The following LRFN1 variants were observed in gnomAD, a reference collection of about 807,000 sequenced individuals.
The protein encoded by LRFN1 is leucine rich repeat and fibronectin type III domain containing 1.
A neutral mutation model predicts 31.8 loss-of-function variants in LRFN1; 20 were observed. The observed-to-expected ratio is 0.63, with a 90% CI of 0.44 to 0.91. The LOEUF (loss-of-function observed/expected upper bound fraction) is 0.91, where lower values mean the gene tolerates loss of function less well. LRFN1 is among the 40% of genes least tolerant of loss of function. The pLI is 0.00. For synonymous variants in LRFN1, 514 were observed against 541.3 expected, an observed-to-expected ratio of 0.95 and a Z score of 0.70; for missense variants, 912 against 1,129.8, an observed-to-expected ratio of 0.81 and a Z score of 2.76.
rs1312805792 is a variant in LRFN1, at chr19:39,314,040, G to C, written c.1297C>G (p.Leu433Val). 1.2e-6 allele frequency: 2 copies of C among 1,610,976 alleles called. No individual in the cohort carries two copies. Among genetic ancestry groups the C allele is most frequent in the Non-Finnish European group, 1.7e-6 (2 of 1,179,740 alleles). Residue 433 changes from leucine (L) to valine (V), a missense_variant, in exon 4 of 5, where the codon CTC becomes GTC. Physicochemically the swap from Leu to Val is conservative, Grantham distance 32. Coordinates refer to ENST00000248668, the MANE Select transcript of LRFN1 (RefSeq NM_020862.2). ...AAERRLVAAE[L>V]TSNSVLIRWP... Reference sequence around the variant, plus strand: ...CGGATGAGCACGGAGTTCGAGGTGAGCTCGGCTGCCACGAGCCGACGCTCA... The same window carrying C: ...CGGATGAGCACGGAGTTCGAGGTGACCTCGGCTGCCACGAGCCGACGCTCA...
intron 4 of LRFN1, among the ~76,000 whole-genome samples, chr19:39,309,478 CAAAAAAAAAAA>C (rs71169583): frequency 0.14 from 4,352 of 32,060 alleles, 131 homozygotes; most frequent in Non-Finnish European, 0.17. Flanking sequence ...ACAAACAAAC[CAAAAAAAAAAA>C]AAAAAAAAAA....
In LRFN1 at chr19:39,315,748, G is replaced by A. The variant is rs957056062; in HGVS notation, c.-38+334C>T. ...GCACGAGAATCGCTTGAACCAGGGAGGTGGAGGTTGCAGTGAGCCGAGATC... is the reference window on the plus strand; with the variant it reads ...GCACGAGAATCGCTTGAACCAGGGAAGTGGAGGTTGCAGTGAGCCGAGATC... On this transcript the variant is annotated intron_variant, in intron 3 of 4. Coordinates refer to ENST00000248668, the MANE Select transcript of LRFN1 (RefSeq NM_020862.2). This position sits in a 1 kb window ranked among gnomAD's most constrained non-coding sequence, Gnocchi z 4.7. Among the ~76,000 whole-genome samples, 3 of 151,246 alleles carry A rather than the reference G, an allele frequency of 2.0e-5. No individual in the cohort carries two copies. The highest frequency in any genetic ancestry group is 1.3e-4 in the Admixed American group (2 of 15,204).
At chr19:39,313,567 G>T (rs566600344) in intron 4 of LRFN1, among the ~76,000 whole-genome samples, 17 of 152,274 alleles carry the variant, frequency 1.1e-4, no homozygotes, top group African/African-American at 4.1e-4. Context: ...CTGTAAATGT[G>T]TGTGTGTGTT....
rs965123510 is a variant in LRFN1, at chr19:39,315,848, A to T, written c.-38+234T>A. Among the ~76,000 whole-genome samples the T allele has an allele frequency of 2.8e-4, 42 of 152,112 alleles. No homozygotes were observed. The highest frequency in any genetic ancestry group is 2.8e-4 in the Non-Finnish European group (19 of 68,016). Reference sequence around the variant, plus strand: ...CATAAATAAAAATAAAAATATCTCTATACTGGTTGATAGAATACCCCTGTC... The same window carrying T: ...CATAAATAAAAATAAAAATATCTCTTTACTGGTTGATAGAATACCCCTGTC... On this transcript the variant is annotated intron_variant, in intron 3 of 4. Transcript: ENST00000248668. The surrounding 1 kb of genome is among the most constrained non-coding windows in gnomAD (Gnocchi z 4.7).
At position 39,307,884 on chromosome 19, in the gene LRFN1, G is replaced by A; in HGVS notation, c.2065C>T (p.Leu689=). 2 of 1,560,250 alleles carry A rather than the reference G, an allele frequency of 1.3e-6. No individual in the cohort carries two copies. Among genetic ancestry groups the A allele is most frequent in the Non-Finnish European group, 1.7e-6 (2 of 1,159,976 alleles). ...PPTSAPPTLA[L]VPGGAAARPR... is the part of the protein sequence containing the mutation. ...CGGGCCGCGGCTCCCCCAGGAACTA[G>A]AGCTAGAGTAGGGGGCGCCGAGGTT... is the stretch of plus-strand genomic sequence containing the variant. Residue 689 remains leucine, a synonymous_variant, in exon 5 of 5, where the codon CTA becomes TTA. Transcript: ENST00000248668. The surrounding 1 kb of genome is among the most constrained non-coding windows in gnomAD (Gnocchi z 6.7).
Position 39,314,409 on chromosome 19 carries a change from G to A in LRFN1, c.928C>T (p.Leu310=), listed in dbSNP as rs1354736466. Residue 310 remains leucine, a synonymous_variant, in exon 4 of 5, where the codon CTG becomes TTG. Coordinates refer to ENST00000248668, the MANE Select transcript of LRFN1 (RefSeq NM_020862.2). ...LITRQAGGRA[L]VVEGQAVSLR... Reference sequence around the variant, plus strand: ...CTCACCGCCTGGCCTTCCACCACCAGGGCCCGGCCCCCCGCCTGCCGTGTG... The same window carrying A: ...CTCACCGCCTGGCCTTCCACCACCAAGGCCCGGCCCCCCGCCTGCCGTGTG... 26 of 1,602,790 alleles carry A rather than the reference G, an allele frequency of 1.6e-5. No homozygotes were observed. The highest frequency in any genetic ancestry group is 2.1e-5 in the Non-Finnish European group (25 of 1,176,490).
chr19:39,320,100 TC>T (rs765361725), intron 1 of LRFN1, among the ~76,000 whole-genome samples: 480 of 80,626 alleles, frequency 6.0e-3, no homozygotes, highest in African/African-American at 9.4e-3. Context: ...TGGCCGCCCA[TC>T]CCCCCCCCGC....
chr19:39,307,685 C>G lies in LRFN1; in HGVS notation c.2264G>C (p.Arg755Thr). 1 of 1,504,710 alleles carries G rather than the reference C, an allele frequency of 6.6e-7. No individual in the cohort carries two copies. The highest frequency in any genetic ancestry group is 8.8e-7 in the Non-Finnish European group (1 of 1,135,856). The allele number at this position is 1,504,710 out of a possible 1,614,324, so 93.2% of individuals were successfully genotyped here. ...GGTGCTGGTGAAAGCCAGGCACGCCCTGGCGGAGCCCAGCCCCAGGTCTCC... is the reference window on the plus strand; with the variant it reads ...GGTGCTGGTGAAAGCCAGGCACGCCGTGGCGGAGCCCAGCCCCAGGTCTCC... ...EDGDLGLGSARACLAFTSTEW... is the reference protein window; with the variant it reads ...EDGDLGLGSATACLAFTSTEW... Residue 755 changes from arginine (R) to threonine (T), a missense_variant, in exon 5 of 5, where the codon AGG becomes ACG. This residue lies in a region of LRFN1 where 511 missense variants were observed against 557.0 expected (regional missense o/e 0.92). Coordinates refer to ENST00000248668, the MANE Select transcript of LRFN1 (RefSeq NM_020862.2). This position sits in a 1 kb window ranked among gnomAD's most constrained non-coding sequence, Gnocchi z 6.7.
rs1156282512 is a variant in LRFN1 at position 39,306,771 on chromosome 19, A to ACACT, written c.*861_*862insAGTG. The ACACT allele has an allele frequency of 6.7e-6, 1 of 148,806 alleles. No homozygotes were observed. Among genetic ancestry groups the ACACT allele is most frequent in the Non-Finnish European group, 1.5e-5 (1 of 68,760 alleles). The allele number at this position is 148,806 out of a possible 1,614,324, so 9.2% of individuals were successfully genotyped here. On this transcript the variant is annotated 3_prime_UTR_variant, in exon 5 of 5. Transcript: ENST00000248668. ...CACACACACACACACACACACACAC[A>ACACT]CTACACGCGGACACACATACAGACA...
rs2145027934 is a variant in LRFN1 at position 39,308,157 on chromosome 19, C to T, written c.1792G>A (p.Ala598Thr). Reference sequence around the variant, plus strand: ...TCGTAGTGGTCCTGGGCCGGCAGGGCCGGGGCCTGTGCCGCGCCTGTGCCT... The same window carrying T: ...TCGTAGTGGTCCTGGGCCGGCAGGGTCGGGGCCTGTGCCGCGCCTGTGCCT... ...GAGTGAAQAP[A>T]LPAQDHYEAL... The change falls in exon 5 of 5, where the codon GCC (alanine) becomes ACC (threonine). Residue 598 changes from alanine (A) to threonine (T), a missense_variant. Ala to Thr is a moderately conservative substitution (Grantham distance 58, BLOSUM62 0). Coordinates refer to ENST00000248668, the MANE Select transcript of LRFN1 (RefSeq NM_020862.2). This position sits in a 1 kb window ranked among gnomAD's most constrained non-coding sequence, Gnocchi z 6.2. 6.4e-7 allele frequency: 1 copy of T among 1,557,304 alleles called. No homozygotes were observed. Among genetic ancestry groups the T allele is most frequent in the Admixed American group, 1.9e-5 (1 of 53,518 alleles).
chr19:39,308,497 C>T lies in LRFN1; in HGVS notation c.1452G>A (p.Ala484=), dbSNP rs1316009211. ...CGCACAAGTCGTAGGCACGGCCCGC[C>T]GCCAGGTCATTCACCAGGAAGGTCT... ...TSQTFLVNDL[A]AGRAYDLCVL... is the part of the protein sequence containing the mutation. The change falls in exon 5 of 5, where the codon GCG becomes GCA. Residue 484 remains alanine (A), a synonymous_variant. Coordinates refer to ENST00000248668, the MANE Select transcript of LRFN1 (RefSeq NM_020862.2). The surrounding 1 kb of genome is among the most constrained non-coding windows in gnomAD (Gnocchi z 6.2). 1 of 1,600,878 alleles carries T rather than the reference C, an allele frequency of 6.2e-7. No individual in the cohort carries two copies. Among genetic ancestry groups the T allele is most frequent in the East Asian group, 2.2e-5 (1 of 44,862 alleles).
rs1036016547 is a variant in LRFN1, at chr19:39,307,167, G to T, written c.*466C>A. ...AGACCCGACCGGACCAGGAATGTGC[G>T]TGGGGTGGGGTGGGAGGCTTTGGAG... On this transcript the variant is annotated 3_prime_UTR_variant, in exon 5 of 5. Coordinates refer to ENST00000248668, the MANE Select transcript of LRFN1 (RefSeq NM_020862.2). This position sits in a 1 kb window ranked among gnomAD's most constrained non-coding sequence, Gnocchi z 6.7. The T allele has an allele frequency of 2.5e-6, 1 of 397,050 alleles. No homozygotes were observed. Among genetic ancestry groups the T allele is most frequent in the Middle Eastern group, 6.3e-4 (1 of 1,590 alleles). The allele number at this position is 397,050 out of a possible 1,614,324, so 24.6% of individuals were successfully genotyped here.
chr19:39,314,169 G>C lies in LRFN1; in HGVS notation c.1168C>G (p.Leu390Val), dbSNP rs1045569825. The C allele has an allele frequency of 6.2e-7, 1 of 1,613,116 alleles. No homozygotes were observed. Among genetic ancestry groups the C allele is most frequent in the Non-Finnish European group, 8.5e-7 (1 of 1,179,652 alleles). The change falls in exon 4 of 5, where the codon CTG (leucine) becomes GTG (valine). Residue 390 changes from leucine to valine, a missense_variant. Around this residue, in one of 2 missense-constraint regions of LRFN1, gnomAD observed 401 missense variants for 572.7 expected, o/e 0.70. Transcript: ENST00000248668. Reference protein sequence around the residue: ...TAPVEVCVVPLPLMAPPPAAP... With the variant: ...TAPVEVCVVPVPLMAPPPAAP... ...GCCGGCGGGGGTGCCATCAGAGGCAGAGGTACCACGCACACCTCCACGGGC... is the reference window on the plus strand; with the variant it reads ...GCCGGCGGGGGTGCCATCAGAGGCACAGGTACCACGCACACCTCCACGGGC...
In LRFN1 at chr19:39,306,574, T is replaced by C. The variant is rs1325442348; in HGVS notation, c.*1059A>G. 1.3e-5 allele frequency: 2 copies of C among 152,166 alleles called. No homozygotes were observed. The highest frequency in any genetic ancestry group is 6.5e-5 in the Admixed American group (1 of 15,272). The allele number at this position is 152,166 out of a possible 1,614,324, so 9.4% of individuals were successfully genotyped here. Reference sequence around the variant, plus strand: ...TAAGTATTCACTAAGCGTTAGCTATTATGATCATTTTATTTTTGTGATTAT... The same window carrying C: ...TAAGTATTCACTAAGCGTTAGCTATCATGATCATTTTATTTTTGTGATTAT... On this transcript the variant is annotated 3_prime_UTR_variant, in exon 5 of 5. Coordinates refer to ENST00000248668, the MANE Select transcript of LRFN1 (RefSeq NM_020862.2).
In LRFN1 at chr19:39,315,436, G is replaced by A; in HGVS notation, c.-37-63C>T. 2.6e-6 allele frequency: 3 copies of A among 1,139,298 alleles called. No homozygotes were observed. Among genetic ancestry groups the A allele is most frequent in the Non-Finnish European group, 2.4e-6 (2 of 832,134 alleles). 70.6% of individuals were successfully genotyped at this position (1,139,298 alleles called of 1,614,324 possible). On this transcript the variant is annotated intron_variant, in intron 3 of 4. Transcript: ENST00000248668. The surrounding 1 kb of genome is among the most constrained non-coding windows in gnomAD (Gnocchi z 4.7). ...TGGCCGCCATGGGATGTCCTGCTAC[G>A]AGTCAGGCCTGGATCCCTCCCCTAC...
intron 4 of LRFN1, among the ~76,000 whole-genome samples, chr19:39,310,671 G>A (rs2075147402): frequency 6.6e-6 from 1 of 152,046 alleles, no homozygotes; most frequent in Admixed American, 6.6e-5. Flanking sequence ...CGGGAGACAA[G>A]GACTGCCCCT....
At chr19:39,320,305 G>GACACACACAC (rs35232910) in intron 1 of LRFN1, among the ~76,000 whole-genome samples, 298 of 134,716 alleles carry the variant, frequency 2.2e-3, no homozygotes, top group African/African-American at 5.7e-3. Flanking sequence ...ACAACCCGCA[G>GACACACACAC]ACACACACAC....
chr19:39,313,897 G>A (rs1445651139), intron 4 of LRFN1, 34 bp downstream of exon 4: 2 of 1,551,290 alleles, frequency 1.3e-6, no homozygotes, highest in South Asian at 2.4e-5. Context: ...CTGGGCTTGG[G>A]AGGAGGCCCT....
Position 39,307,510 on chromosome 19 carries a change from A to T in LRFN1, c.*123T>A, listed in dbSNP as rs1015614460. On this transcript the variant is annotated 3_prime_UTR_variant, in exon 5 of 5. Transcript: ENST00000248668. The surrounding 1 kb of genome is among the most constrained non-coding windows in gnomAD (Gnocchi z 6.7). ...GGCTGCCCCGCCCCCTCCCGGGGAC[A>T]AGGGCGCGTCTCCACTCTGGTCCAA... 19 of 1,098,120 alleles carry T rather than the reference A, an allele frequency of 1.7e-5. No individual in the cohort carries two copies. Among genetic ancestry groups the T allele is most frequent in the Middle Eastern group, 3.3e-4 (1 of 3,054 alleles). The allele number at this position is 1,098,120 out of a possible 1,614,324, so 68.0% of individuals were successfully genotyped here.
Sources: allele counts gnomAD v4.1 joint callset (sites outside exome capture counted in the v4.1 genomes callset), GRCh38; gene constraint gnomAD v4.1.1; regional missense constraint gnomAD v4.1.1; non-coding constraint Gnocchi (gnomAD v3.1); transcripts MANE v1.5; gene names NCBI Gene and HGNC (gene_info 2026-07-23, HGNC 2026-07-21).